The following SULF2 variants were observed in gnomAD, a reference collection of about 807,000 sequenced individuals.
The protein encoded by SULF2 is extracellular sulfatase Sulf-2.
In SULF2, 52 loss-of-function variants were observed where a neutral mutation model predicts 107.7. The observed-to-expected ratio is 0.48, with a 90% CI of 0.39 to 0.61. The LOEUF (loss-of-function observed/expected upper bound fraction) is 0.61. Ranked by LOEUF, SULF2 falls within the 20% of genes least tolerant of loss-of-function variation. The pLI, the probability that SULF2 is intolerant of heterozygous loss-of-function variation, is 0.00. For synonymous variants in SULF2, 460 were observed against 464.3 expected (o/e 0.99, Z 0.12); for missense variants, 993 against 1,177.3 (o/e 0.84, Z 2.29).
In SULF2 at chr20:47,658,002, A is replaced by T; in HGVS notation, c.*360T>A. ...TTTCCCCTATGATTTAAAAATTCCA[A>T]TGACTTTCGCCCTTGGGAGAAATTT... is the stretch of plus-strand genomic sequence containing the variant. On this transcript the variant is annotated 3_prime_UTR_variant, in exon 21 of 21. Coordinates refer to ENST00000688720, the MANE Select transcript of SULF2 (RefSeq NM_001387048.1). 3.4e-6 allele frequency: 1 copy of T among 290,496 alleles called. No individual in the cohort carries two copies. The highest frequency in any genetic ancestry group is 6.5e-6 in the Non-Finnish European group (1 of 154,366). 18.0% of individuals were successfully genotyped at this position (290,496 alleles called of 1,614,324 possible).
In SULF2 at chr20:47,657,602, A is replaced by C. The variant is rs954183572; in HGVS notation, c.*760T>G. 7 of 152,194 alleles carry C rather than the reference A, an allele frequency of 4.6e-5. No individual in the cohort carries two copies. The highest frequency in any genetic ancestry group is 1.0e-4 in the Non-Finnish European group (7 of 68,032). 9.4% of individuals were successfully genotyped at this position (152,194 alleles called of 1,614,324 possible). On this transcript the variant is annotated 3_prime_UTR_variant, in exon 21 of 21. Transcript: ENST00000688720. ...AAAAAAAAAACATCAGTTCTGGGAC[A>C]TAACAAAGAAATACTAGGAGAAATG...
At chr20:47,747,818 A>G (rs2090077797) in intron 2 of SULF2, among the ~76,000 whole-genome samples, 3 of 151,756 alleles carry the variant, frequency 2.0e-5, no homozygotes, top group Non-Finnish European at 4.4e-5. Flanking sequence ...CCAAAAACCT[A>G]GGAGTCATCC....
chr20:47,781,237 T>C (rs1403244023), intron 1 of SULF2, among the ~76,000 whole-genome samples: 5 of 152,276 alleles, frequency 3.3e-5, no homozygotes, highest in African/African-American at 1.2e-4. Context: ...GTCTCCACCT[T>C]GGCCAAAATG....
At chr20:47,740,679 TA>T (rs377763340) in intron 2 of SULF2, among the ~76,000 whole-genome samples, 44 of 152,256 alleles carry the variant, frequency 2.9e-4, no homozygotes, top group African/African-American at 9.4e-4. Flanking sequence ...AGCCGATTTT[TA>T]AAAAGTAAAT....
chr20:47,664,244 G>A lies in SULF2; in HGVS notation c.1998-55C>T, dbSNP rs2087189997. Reference sequence around the variant, plus strand: ...CAGGAGTGGCTCAGAGGGCTCCGCTGGCAGGTGCAAGCTGTGATTTCTGGG... The same window carrying A: ...CAGGAGTGGCTCAGAGGGCTCCGCTAGCAGGTGCAAGCTGTGATTTCTGGG... On this transcript the variant is annotated intron_variant, in intron 14 of 20. Transcript: ENST00000688720. 1.9e-6 allele frequency: 3 copies of A among 1,550,348 alleles called. No homozygotes were observed. The Admixed American group carries it at 5.5e-5, about 28-fold the overall frequency.
intron 2 of SULF2, among the ~76,000 whole-genome samples, chr20:47,748,717 G>A (rs1009134425): frequency 2.2e-4 from 34 of 152,126 alleles, no homozygotes; most frequent in African/African-American, 7.7e-4. Context: ...AGAGAGTGAG[G>A]TTGGTGGACA....
intron 1 of SULF2, among the ~76,000 whole-genome samples, chr20:47,771,957 G>C (rs961828931): frequency 6.6e-6 from 1 of 152,196 alleles, no homozygotes; most frequent in East Asian, 1.9e-4. Context: ...CAGCTTCCAG[G>C]GCAGGGGCTC....
chr20:47,724,533 G>A (rs182595730), intron 3 of SULF2, among the ~76,000 whole-genome samples: 131 of 152,338 alleles, frequency 8.6e-4, no homozygotes, highest in African/African-American at 3.0e-3. Flanking sequence ...CCCTAGAAGG[G>A]TCTTGCAGCT....
chr20:47,701,794 T>C (rs899372864), intron 4 of SULF2, among the ~76,000 whole-genome samples: 1 of 152,188 alleles, frequency 6.6e-6, no homozygotes, highest in African/African-American at 2.4e-5. Context: ...AGAGTGAATC[T>C]GTAACGCTAA....
chr20:47,728,364 A>G lies in SULF2; in HGVS notation c.415+8339T>C, dbSNP rs370733986. On this transcript the variant is annotated intron_variant, in intron 3 of 20. Transcript: ENST00000688720. The stretch of plus-strand genomic sequence containing the variant: ...GGGGCCCAGGGACGGCATCCCGGGA[A>G]TAATTTCAGTCTTCTCTTCCCTGTG... 2.0e-4 allele frequency among the ~76,000 whole-genome samples: 31 copies of G among 152,276 alleles called. No individual in the cohort carries two copies. In the East Asian group the frequency reaches 3.3e-3, roughly 16 times the overall value.
At chr20:47,690,349 GT>G in intron 4 of SULF2, 54 bp from the exon 5 acceptor site, 1 of 1,345,456 alleles carries the variant, frequency 7.4e-7, no homozygotes, top group Non-Finnish European at 9.7e-7. Flanking sequence ...ATTCATACTG[GT>G]GTCCACTACG....
chr20:47,719,878 G>C (rs969444966), intron 3 of SULF2, among the ~76,000 whole-genome samples: 1 of 152,198 alleles, frequency 6.6e-6, no homozygotes, highest in Non-Finnish European at 1.5e-5. Context: ...ACTCCTGTAG[G>C]CCACAGTTTA....
chr20:47,714,877 T>TG (rs140515203), intron 3 of SULF2, among the ~76,000 whole-genome samples: 1 of 152,278 alleles, frequency 6.6e-6, no homozygotes, highest in Non-Finnish European at 1.5e-5. Context: ...CTCAGATACC[T>TG]GCATGGGCTG....
chr20:47,753,509 G>T (rs1197709497), intron 2 of SULF2, among the ~76,000 whole-genome samples: 2 of 152,248 alleles, frequency 1.3e-5, no homozygotes, highest in African/African-American at 4.8e-5. Context: ...CTGGGAGGCA[G>T]CATCTTGCTG....
chr20:47,666,644 C>T lies in SULF2; in HGVS notation c.1577-156G>A, dbSNP rs527603711. On this transcript the variant is annotated intron_variant, in intron 11 of 20. Coordinates refer to ENST00000688720, the MANE Select transcript of SULF2 (RefSeq NM_001387048.1). The surrounding 1 kb of genome is among the most constrained non-coding windows in gnomAD (Gnocchi z 5.4). The stretch of plus-strand genomic sequence containing the variant: ...GGGTCGTGGAATCTACCCGCCTGCT[C>T]GCAGATCCTGGACCGCAGGGGAGGG... Among the ~76,000 whole-genome samples the T allele has an allele frequency of 6.6e-6, 1 of 152,200 alleles. No individual in the cohort carries two copies. The highest frequency in any genetic ancestry group is 2.1e-4 in the South Asian group (1 of 4,832).
At chr20:47,727,497 G>C (rs1262800283) in intron 3 of SULF2, among the ~76,000 whole-genome samples, 1 of 152,160 alleles carries the variant, frequency 6.6e-6, no homozygotes, top group Non-Finnish European at 1.5e-5. Context: ...ATCGCCTTTT[G>C]TTCTAAGCCA....
chr20:47,777,586 T>G (rs2090748023), intron 1 of SULF2, among the ~76,000 whole-genome samples: 1 of 152,218 alleles, frequency 6.6e-6, no homozygotes. Context: ...ATGTTTCTAT[T>G]GCATAAGCCA....
chr20:47,778,639 C>T (rs2122697712), intron 1 of SULF2, among the ~76,000 whole-genome samples: 1 of 152,336 alleles, frequency 6.6e-6, no homozygotes, highest in African/African-American at 2.4e-5. Context: ...CCCACATGAC[C>T]TTAAGCAATT....
intron 3 of SULF2, among the ~76,000 whole-genome samples, chr20:47,714,189 G>C (rs2089029567): frequency 6.6e-6 from 1 of 152,206 alleles, no homozygotes; most frequent in Admixed American, 6.5e-5. Context: ...TGCCCTTCGT[G>C]GCATCATCTC....
Sources: gnomAD v4.1 joint callset for allele counts (sites outside exome capture counted in the v4.1 genomes callset) on GRCh38, gnomAD v4.1.1 for gene constraint, Gnocchi (gnomAD v3.1) non-coding constraint, MANE v1.5 for transcripts, NCBI Gene and HGNC (gene_info 2026-07-23, HGNC 2026-07-21) for gene names.